The following FGF13 variants were observed in gnomAD, a reference collection of about 807,000 sequenced individuals.
The protein encoded by FGF13 is fibroblast growth factor 13, also known as fibroblast growth factor homologous factor 2.
A neutral mutation model predicts 19.5 loss-of-function variants in FGF13; 2 were observed. The observed-to-expected ratio is 0.10, with a 90% CI of 0.04 to 0.32. FGF13 has a LOEUF of 0.32. Ranked by LOEUF, FGF13 falls within the 10% of genes least tolerant of loss-of-function variation. The pLI, the probability that FGF13 is intolerant of heterozygous loss-of-function variation, is 1.00. For missense variants in FGF13, 113 were observed against 192.7 expected (o/e 0.59, Z 2.45); for synonymous variants, 72 against 76.9 (o/e 0.94, Z 0.33).
intron 1 of FGF13, among the ~76,000 whole-genome samples, chrX:139,033,145 G>A (rs1271076602): frequency 9.2e-6 from 1 of 108,221 alleles, no homozygotes; most frequent in Non-Finnish European, 1.9e-5. Flanking sequence ...AGCTTGTACT[G>A]GATCATATCA....
chrX:139,202,484 C>A (rs2084422625), intron 1 of FGF13, among the ~76,000 whole-genome samples: 1 of 111,888 alleles, frequency 8.9e-6, no homozygotes, highest in Admixed American at 9.4e-5. Flanking sequence ...GTTACTCTTT[C>A]ACTTGGGATT....
chrX:138,877,940 A>C (rs2091400296), intron 1 of FGF13, among the ~76,000 whole-genome samples: 1 of 111,423 alleles, frequency 9.0e-6, no homozygotes, highest in South Asian at 3.8e-4. Flanking sequence ...TTGTGTATAT[A>C]CACCTGGGAA....
chrX:138,678,073 G>C (rs762198910), intron 3 of FGF13, among the ~76,000 whole-genome samples: 1 of 111,330 alleles, frequency 9.0e-6, no homozygotes, highest in Non-Finnish European at 1.9e-5. Flanking sequence ...GTAAACTATC[G>C]CAAGGACAAA....
chrX:139,074,908 T>C (rs2092387366), intron 1 of FGF13, among the ~76,000 whole-genome samples: 1 of 111,922 alleles, frequency 8.9e-6, no homozygotes, highest in Non-Finnish European at 1.9e-5. Context: ...CTTGTCTAAA[T>C]AACTCTTCAT....
chrX:138,968,421 C>T (rs1365191669), intron 1 of FGF13, among the ~76,000 whole-genome samples: 4 of 111,952 alleles, frequency 3.6e-5, no homozygotes, highest in Non-Finnish European at 7.5e-5. Flanking sequence ...TTCTCCCTCC[C>T]TCACTTTCTC....
chrX:139,190,161 C>G (rs938574139), intron 1 of FGF13, among the ~76,000 whole-genome samples: 2 of 111,822 alleles, frequency 1.8e-5, no homozygotes, highest in African/African-American at 3.3e-5. Context: ...CACAAAGGAC[C>G]TGGTTTCAAC....
At chrX:139,086,478 TACC>T (rs767379010) in intron 1 of FGF13, among the ~76,000 whole-genome samples, 1 of 112,242 alleles carries the variant, frequency 8.9e-6, no homozygotes, top group African/African-American at 3.2e-5. Context: ...ACGTATTAAA[TACC>T]ACTGAATTGC....
At chrX:138,682,349 T>C (rs374125155) in intron 3 of FGF13, among the ~76,000 whole-genome samples, 104 of 112,569 alleles carry the variant, frequency 9.2e-4, no homozygotes, top group Non-Finnish European at 1.7e-3. Flanking sequence ...ACACAAGTTG[T>C]GCCATTCAGG....
At chrX:139,195,673 T>C (rs1405391307) in intron 1 of FGF13, among the ~76,000 whole-genome samples, 1 of 112,244 alleles carries the variant, frequency 8.9e-6, no homozygotes, top group African/African-American at 3.2e-5. Flanking sequence ...ATTATTACCA[T>C]TGAGCAACAG....
intron 1 of FGF13, among the ~76,000 whole-genome samples, chrX:138,993,277 T>G (rs2092026064): frequency 3.1e-5 from 1 of 32,325 alleles, no homozygotes; most frequent in Admixed American, 2.6e-4. Flanking sequence ...AAATCTGTAG[T>G]GCAGTTAATA....
chrX:138,929,317 C>T, intron 1 of FGF13, among the ~76,000 whole-genome samples: 1 of 108,469 alleles, frequency 9.2e-6, no homozygotes, highest in Middle Eastern at 4.9e-3. Context: ...TTGAAGTGGT[C>T]TTTGAAGCAG....
intron 3 of FGF13, among the ~76,000 whole-genome samples, chrX:138,677,515 A>G (rs1229132141): frequency 9.0e-6 from 1 of 111,490 alleles, no homozygotes; most frequent in Non-Finnish European, 1.9e-5. Flanking sequence ...AAAAGTGGGC[A>G]AAGGACATGA....
intron 1 of FGF13, among the ~76,000 whole-genome samples, chrX:138,971,838 C>T (rs186775499): frequency 9.0e-5 from 10 of 111,596 alleles, no homozygotes; most frequent in Admixed American, 8.6e-4. Flanking sequence ...TCATACCCAT[C>T]GATCAACCTC....
At chrX:138,963,045 A>G (rs1007008325) in intron 1 of FGF13, among the ~76,000 whole-genome samples, 1 of 112,545 alleles carries the variant, frequency 8.9e-6, no homozygotes, top group Non-Finnish European at 1.9e-5. Flanking sequence ...TAGAATCCCC[A>G]TTTGACTTTC....
At chrX:138,696,089 C>T (rs1276824317) in intron 3 of FGF13, among the ~76,000 whole-genome samples, 2 of 111,463 alleles carry the variant, frequency 1.8e-5, no homozygotes, top group Non-Finnish European at 3.8e-5. Flanking sequence ...GGGAAACAAT[C>T]CAAATGTCCA....
chrX:138,742,297 C>T (rs1039876461), upstream of FGF13, among the ~76,000 whole-genome samples: 8 of 112,181 alleles, frequency 7.1e-5, no homozygotes, highest in African/African-American at 1.9e-4. Flanking sequence ...TTTGAGACTG[C>T]GTGTCCGTCA....
At chrX:139,110,265 A>C (rs1244055579) in intron 1 of FGF13, among the ~76,000 whole-genome samples, 1 of 110,500 alleles carries the variant, frequency 9.0e-6, no homozygotes, top group Non-Finnish European at 1.9e-5. Context: ...ACATAAAAAG[A>C]TATATATATC....
intron 1 of FGF13, among the ~76,000 whole-genome samples, chrX:139,017,455 G>T (rs2092159108): frequency 9.1e-6 from 1 of 109,347 alleles, no homozygotes; most frequent in South Asian, 3.9e-4. Context: ...ATACCCATGT[G>T]GTTGTATGAA....
rs147996865 is a variant in FGF13, at chrX:139,052,092, T to A, written c.-113+151324A>T. Among the ~76,000 whole-genome samples the A allele has an allele frequency of 8.6e-3, 962 of 111,450 alleles. 10 individuals carry two copies. Among genetic ancestry groups the A allele is most frequent in the African/African-American group, 0.029 (890 of 30,663 alleles). On this transcript the variant is annotated intron_variant, in intron 1 of 2. Coordinates refer to the FGF13 transcript ENST00000421460. ...GTTTTAGTATCCTGGAACCTAGCACTGGTAATAATGGTTATTTATAAAAAT... is the reference window on the plus strand; with the variant it reads ...GTTTTAGTATCCTGGAACCTAGCACAGGTAATAATGGTTATTTATAAAAAT...
Sources: allele counts gnomAD v4.1 joint callset (sites outside exome capture counted in the v4.1 genomes callset), GRCh38; gene constraint gnomAD v4.1.1; transcripts MANE v1.5; gene names NCBI Gene and HGNC (gene_info 2026-07-23, HGNC 2026-07-21).